Variants in ADAMTS5 observed in about 807,000 individuals in gnomAD.
ADAMTS5 encodes A disintegrin and metalloproteinase with thrombospondin motifs 5.
In ADAMTS5, 54 loss-of-function variants were observed where a neutral mutation model predicts 81.4. The observed-to-expected ratio is 0.66, with a 90% confidence interval of 0.53 to 0.83. ADAMTS5 has a LOEUF of 0.83. Among genes scored for constraint, ADAMTS5 ranks in the 40% least tolerant of loss-of-function variants. The probability of loss-of-function intolerance (pLI) is 0.00; values close to 1 mark genes in which losing one functional copy is unlikely to be tolerated. For synonymous variants in ADAMTS5, 532 were observed against 508.8 expected (o/e 1.05, Z -0.61); for missense variants, 1,194 against 1,229.9 (o/e 0.97, Z 0.44).
In ADAMTS5 at chr21:26,919,121, A is replaced by C. The variant is rs1986638311; in HGVS notation, c.*4932T>G. On this transcript the variant is annotated 3_prime_UTR_variant, in exon 8 of 8. Coordinates refer to ENST00000284987, the MANE Select transcript of ADAMTS5 (RefSeq NM_007038.5). Reference sequence around the variant, plus strand: ...GTAACTCAAAAATACCACATTTGACAGTCGGTCACGAAAGATGTTAGCACC... The same window carrying C: ...GTAACTCAAAAATACCACATTTGACCGTCGGTCACGAAAGATGTTAGCACC... 6.6e-6 allele frequency: 1 copy of C among 152,088 alleles called. No individual in the cohort carries two copies. The highest frequency in any genetic ancestry group is 1.5e-5 in the Non-Finnish European group (1 of 67,960). 9.4% of individuals were successfully genotyped at this position (152,088 alleles called of 1,614,324 possible).
At chr21:26,930,329 A>G (rs762309032) in intron 6 of ADAMTS5, among the ~76,000 whole-genome samples, 1 of 152,214 alleles carries the variant, frequency 6.6e-6, no homozygotes, top group Non-Finnish European at 1.5e-5. Flanking sequence ...GACACAAGGT[A>G]CTCATCTTCG....
At chr21:26,938,113 G>A (rs147659347) in intron 3 of ADAMTS5, among the ~76,000 whole-genome samples, 128 of 152,034 alleles carry the variant, frequency 8.4e-4, no homozygotes, top group African/African-American at 2.8e-3. Flanking sequence ...GGTGGCGGGC[G>A]CCTGTAGTCC....
chr21:26,948,457 T>C (rs1338048816), intron 2 of ADAMTS5, among the ~76,000 whole-genome samples: 1 of 152,158 alleles, frequency 6.6e-6, no homozygotes, highest in African/African-American at 2.4e-5. Flanking sequence ...TGAGGTCATG[T>C]TTTTATTTTA....
Position 26,965,380 on chromosome 21 carries a change from G to A in ADAMTS5, c.1012C>T (p.Leu338Phe), listed in dbSNP as rs1987618875. The A allele has an allele frequency of 6.2e-7, 1 of 1,614,140 alleles. No homozygotes were observed. The highest frequency in any genetic ancestry group is 1.3e-5 in the African/African-American group (1 of 74,946). The stretch of plus-strand genomic sequence containing the variant: ...TGCTGCCACTTGCAAAAGTTCTTGA[G>A]TGTGGTGGCAGCGTTCTTGCTCACT... ...LEVSKNAATT[L>F]KNFCKWQHQH... Residue 338 changes from leucine to phenylalanine, a missense_variant, in exon 1 of 8, where the codon CTC becomes TTC. By Grantham distance (22) the Leu-to-Phe change is conservative. Around this residue, in one of 2 missense-constraint regions of ADAMTS5, gnomAD observed 696 missense variants for 817.6 expected, o/e 0.85. Coordinates refer to ENST00000284987, the MANE Select transcript of ADAMTS5 (RefSeq NM_007038.5).
At position 26,923,313 on chromosome 21, in the gene ADAMTS5, C is replaced by T. The variant is rs927011799; in HGVS notation, c.*740G>A. The T allele has an allele frequency of 2.0e-5, 3 of 150,136 alleles. No homozygotes were observed. Among genetic ancestry groups the T allele is most frequent in the African/African-American group, 7.3e-5 (3 of 41,160 alleles). The allele number at this position is 150,136 out of a possible 1,614,324, so 9.3% of individuals were successfully genotyped here. On this transcript the variant is annotated 3_prime_UTR_variant, in exon 8 of 8. Coordinates refer to ENST00000284987, the MANE Select transcript of ADAMTS5 (RefSeq NM_007038.5). ...ATTATGCATTAATTTGGCTAGCTAC[C>T]TGAAAAAAATACAGGCAGTCAAAGG...
chr21:26,962,835 A>G (rs1373345233), intron 1 of ADAMTS5, among the ~76,000 whole-genome samples: 4 of 152,062 alleles, frequency 2.6e-5, no homozygotes. Flanking sequence ...ATGAGATGGA[A>G]GACCTCAGAT....
intron 2 of ADAMTS5, chr21:26,954,058 C>T (rs2123199265): frequency 6.6e-6 from 1 of 152,114 alleles, no homozygotes; most frequent in African/African-American, 2.4e-5. Flanking sequence ...AAGCCAATTT[C>T]TCATACACCT....
chr21:26,954,966 A>G (rs887847091), intron 1 of ADAMTS5, 95 bp from the exon 2 acceptor site: 27 of 1,455,154 alleles, frequency 1.9e-5, no homozygotes, highest in Non-Finnish European at 2.2e-5. Flanking sequence ...GGCAACAGGG[A>G]TATGTTTATG....
chr21:26,947,643 C>T (rs892677053), intron 2 of ADAMTS5, among the ~76,000 whole-genome samples: 4 of 152,030 alleles, frequency 2.6e-5, no homozygotes, highest in Admixed American at 6.6e-5. Flanking sequence ...CCATGTTGGC[C>T]GGGGTGGTCT....
In ADAMTS5 at chr21:26,919,037, T is replaced by C. The variant is rs1600992979; in HGVS notation, c.*5016A>G. The C allele has an allele frequency of 6.6e-6, 1 of 151,996 alleles. No individual in the cohort carries two copies. The allele number at this position is 151,996 out of a possible 1,614,324, so 9.4% of individuals were successfully genotyped here. A position where few individuals can be genotyped will look rare whatever the true frequency, so the allele number is the denominator to read the frequency against. On this transcript the variant is annotated 3_prime_UTR_variant, in exon 8 of 8. Transcript: ENST00000284987. ...AAATTTTGAGTATCAAGTTGTGCCC[T>C]ACCGTGACACAAAGCTTAGAGGTCT...
At chr21:26,937,204 G>GCAAA (rs35983984) in intron 3 of ADAMTS5, among the ~76,000 whole-genome samples, 91,516 of 151,552 alleles carry the variant, frequency 0.6, 27,904 homozygotes, top group South Asian at 0.68. Flanking sequence ...AACGTGTAAT[G>GCAAA]CAATTTGAAA....
At chr21:26,929,350 A>C (rs1376653987) in intron 7 of ADAMTS5, among the ~76,000 whole-genome samples, 1 of 152,170 alleles carries the variant, frequency 6.6e-6, no homozygotes, top group Non-Finnish European at 1.5e-5. Flanking sequence ...AAAATCTAGG[A>C]CCATAAGAGG....
Position 26,920,222 on chromosome 21 carries a change from TG to T in ADAMTS5, c.*3830del, listed in dbSNP as rs2123226210. The stretch of plus-strand genomic sequence containing the variant: ...ACCTTGTTAACAAGGAAGGAATCAA[TG>T]GGGAAATATCACAACCAGAGATTGG... On this transcript the variant is annotated 3_prime_UTR_variant, in exon 8 of 8. Transcript: ENST00000284987. 6.6e-6 allele frequency: 1 copy of T among 152,196 alleles called. No individual in the cohort carries two copies. Among genetic ancestry groups the T allele is most frequent in the Non-Finnish European group, 1.5e-5 (1 of 67,970 alleles). 9.4% of individuals were successfully genotyped at this position (152,196 alleles called of 1,614,324 possible). A position where few individuals can be genotyped will look rare whatever the true frequency, so the allele number is the denominator to read the frequency against.
At chr21:26,950,324 CTTTA>C (rs961991555) in intron 2 of ADAMTS5, among the ~76,000 whole-genome samples, 2 of 151,484 alleles carry the variant, frequency 1.3e-5, no homozygotes, top group Non-Finnish European at 3.0e-5. Context: ...CAGGTGAAAT[CTTTA>C]TTATTACAAG....
At position 26,934,541 on chromosome 21, in the gene ADAMTS5, T is replaced by G; in HGVS notation, c.1614A>C (p.Glu538Asp). 1.2e-6 allele frequency: 2 copies of G among 1,614,178 alleles called. No homozygotes were observed. The highest frequency in any genetic ancestry group is 2.7e-5 in the African/African-American group (2 of 75,040). The change falls in exon 4 of 8, where the codon GAA (glutamate) becomes GAC (aspartate). Residue 538 changes from glutamate (E) to aspartate (D), a missense_variant. Glu to Asp is a conservative substitution (Grantham distance 45). Transcript: ENST00000284987. Reference sequence around the variant, plus strand: ...TTCTCCCCTTTCCACAAGGCGTCCCTTCCACCGCAGGCAGCTTCTTGGTCA... The same window carrying G: ...TTCTCCCCTTTCCACAAGGCGTCCCGTCCACCGCAGGCAGCTTCTTGGTCA... ...VCLTKKLPAV[E>D]GTPCGKGRIC...
At chr21:26,935,630 A>G (rs951612046) in intron 3 of ADAMTS5, among the ~76,000 whole-genome samples, 1 of 152,140 alleles carries the variant, frequency 6.6e-6, no homozygotes, top group African/African-American at 2.4e-5. Context: ...TGCATCATAT[A>G]TGAGGGTGTA....
At chr21:26,933,786 G>A (rs999016691) in intron 4 of ADAMTS5, among the ~76,000 whole-genome samples, 2 of 152,314 alleles carry the variant, frequency 1.3e-5, no homozygotes, top group Non-Finnish European at 2.9e-5. Context: ...GACTGTGTCA[G>A]GTTATCTGAT....
At chr21:26,958,515 G>T (rs942518704) in intron 1 of ADAMTS5, among the ~76,000 whole-genome samples, 3 of 152,186 alleles carry the variant, frequency 2.0e-5, no homozygotes, top group South Asian at 2.1e-4. Flanking sequence ...AATTGGAACT[G>T]TTATGCCAAC....
In ADAMTS5 at chr21:26,918,229, GCA is replaced by G. The variant is rs1224310719; in HGVS notation, c.*5822_*5823del. 2.0e-5 allele frequency: 3 copies of G among 152,392 alleles called. No individual in the cohort carries two copies. Among genetic ancestry groups the G allele is most frequent in the Non-Finnish European group, 2.9e-5 (2 of 67,906 alleles). 9.4% of individuals were successfully genotyped at this position (152,392 alleles called of 1,614,324 possible). Reference sequence around the variant, plus strand: ...TTCCAAGATTTTTGGTTTTTCAACTGCATTATATACCATTGCTTCTGGAAAAT... The same window carrying G: ...TTCCAAGATTTTTGGTTTTTCAACTGTTATATACCATTGCTTCTGGAAAAT... On this transcript the variant is annotated 3_prime_UTR_variant, in exon 8 of 8. Coordinates refer to ENST00000284987, the MANE Select transcript of ADAMTS5 (RefSeq NM_007038.5).
Sources: gnomAD v4.1 joint callset for allele counts (sites outside exome capture counted in the v4.1 genomes callset) on GRCh38, gnomAD v4.1.1 for gene constraint, gnomAD v4.1.1 regional missense constraint, MANE v1.5 for transcripts, NCBI Gene and HGNC (gene_info 2026-07-23, HGNC 2026-07-21) for gene names.